Variants in SEMA3A observed in about 807,000 individuals in gnomAD.
SEMA3A encodes semaphorin 3A, also known as semaphorin-3A.
Under a neutral mutation model 97.9 loss-of-function variants are expected in SEMA3A, and 29 were observed. The ratio of observed to expected loss-of-function variants is 0.30; its 90% confidence interval spans 0.22 to 0.40. The LOEUF (loss-of-function observed/expected upper bound fraction) is 0.40, where lower values mean the gene tolerates loss of function less well. SEMA3A is among the 10% of genes least tolerant of loss of function. SEMA3A has a pLI of 1.00. For synonymous variants in SEMA3A, 321 were observed against 323.7 expected (o/e 0.99, Z 0.09); for missense variants, 763 against 951.3 (o/e 0.80, Z 2.60).
chr7:84,364,598 A>G (rs1802801469), intron 2 of SEMA3A, among the ~76,000 whole-genome samples: 1 of 151,812 alleles, frequency 6.6e-6, no homozygotes, highest in African/African-American at 2.4e-5. Context: ...GTTATGTGAC[A>G]TGGGAACCTA....
At chr7:84,336,512 C>A (rs1049797578) in intron 2 of SEMA3A, among the ~76,000 whole-genome samples, 1 of 152,046 alleles carries the variant, frequency 6.6e-6, no homozygotes, top group African/African-American at 2.4e-5. Context: ...AAAAGCTGGT[C>A]TTGGGTGAGC....
At chr7:83,979,368 G>A (rs975686600) in intron 14 of SEMA3A, among the ~76,000 whole-genome samples, 1 of 152,086 alleles carries the variant, frequency 6.6e-6, no homozygotes, top group Non-Finnish European at 1.5e-5. Flanking sequence ...TCTTGACATC[G>A]TGAGCCGCCT....
chr7:84,006,454 T>C (rs1209489300), intron 10 of SEMA3A, among the ~76,000 whole-genome samples: 1 of 151,724 alleles, frequency 6.6e-6, no homozygotes, highest in African/African-American at 2.4e-5. Context: ...ATGCCCATCA[T>C]GACCAAGCAG....
At chr7:84,067,422 G>C (rs1793558931) in intron 4 of SEMA3A, among the ~76,000 whole-genome samples, 1 of 151,994 alleles carries the variant, frequency 6.6e-6, no homozygotes, top group Non-Finnish European at 1.5e-5. Context: ...ATTGACAAAT[G>C]GGATCTAATT....
chr7:84,036,719 T>A (rs532392830), intron 6 of SEMA3A, among the ~76,000 whole-genome samples: 1 of 152,230 alleles, frequency 6.6e-6, no homozygotes, highest in Non-Finnish European at 1.5e-5. Context: ...AACTTCTCAT[T>A]AATAATGTAG....
intron 1 of SEMA3A, among the ~76,000 whole-genome samples, chr7:84,474,509 T>C (rs1197897516): frequency 6.6e-6 from 1 of 152,166 alleles, no homozygotes; most frequent in African/African-American, 2.4e-5. Context: ...TACTCCTCTT[T>C]GTAGCAGCTT....
intron 1 of SEMA3A, among the ~76,000 whole-genome samples, chr7:84,461,301 A>G (rs1440831794): frequency 6.6e-6 from 1 of 152,310 alleles, no homozygotes; most frequent in Non-Finnish European, 1.5e-5. Flanking sequence ...GTGATATCCA[A>G]TGAACGGCCT....
intron 3 of SEMA3A, among the ~76,000 whole-genome samples, chr7:84,216,053 T>C (rs923021110): frequency 7.2e-5 from 11 of 152,178 alleles, no homozygotes; most frequent in Non-Finnish European, 5.9e-5. Flanking sequence ...ATTCCTCTGG[T>C]AGTAAAAAAT....
At chr7:84,122,926 T>A (rs138704110) in intron 3 of SEMA3A, among the ~76,000 whole-genome samples, 1 of 152,134 alleles carries the variant, frequency 6.6e-6, no homozygotes, top group African/African-American at 2.4e-5. Context: ...AAAGTTCAGG[T>A]GCATGATACA....
chr7:84,279,220 C>A (rs907064325), intron 3 of SEMA3A, among the ~76,000 whole-genome samples: 1 of 151,864 alleles, frequency 6.6e-6, no homozygotes, highest in Non-Finnish European at 1.5e-5. Context: ...AGTGGAGAAA[C>A]CTGGCAGTGA....
chr7:84,104,069 T>C (rs75260138), intron 4 of SEMA3A, among the ~76,000 whole-genome samples: 1 of 152,010 alleles, frequency 6.6e-6, no homozygotes, highest in Admixed American at 6.6e-5. Flanking sequence ...AAACTAGGTA[T>C]TAGTCTACAA....
chr7:84,294,768 T>C (rs1274258724), intron 3 of SEMA3A, among the ~76,000 whole-genome samples: 1 of 152,090 alleles, frequency 6.6e-6, no homozygotes, highest in African/African-American at 2.4e-5. Flanking sequence ...TCAGATACTT[T>C]GATCAAGCTG....
At chr7:84,007,652 G>T (rs754217475) in intron 9 of SEMA3A, among the ~76,000 whole-genome samples, 155 bp from the exon 10 acceptor site, 1 of 152,082 alleles carries the variant, frequency 6.6e-6, no homozygotes, top group Non-Finnish European at 1.5e-5. Context: ...TCACATGTAT[G>T]CATTTAACAA....
At chr7:84,381,682 T>A (rs1803264478) in intron 1 of SEMA3A, among the ~76,000 whole-genome samples, 1 of 152,182 alleles carries the variant, frequency 6.6e-6, no homozygotes, top group Admixed American at 6.5e-5. Context: ...CTATGGTATG[T>A]AAAGCCAATC....
At chr7:84,003,304 C>G (rs930882871) in intron 11 of SEMA3A, among the ~76,000 whole-genome samples, 1 of 152,084 alleles carries the variant, frequency 6.6e-6, no homozygotes, top group Admixed American at 6.6e-5. Context: ...TTAATCTACT[C>G]AGTGCTTCTG....
At chr7:84,204,231 T>C (rs1422422361) in intron 3 of SEMA3A, among the ~76,000 whole-genome samples, 3 of 152,190 alleles carry the variant, frequency 2.0e-5, no homozygotes, top group Non-Finnish European at 4.4e-5. Flanking sequence ...ACCACAATTG[T>C]GAAAATTCAT....
intron 5 of SEMA3A, among the ~76,000 whole-genome samples, chr7:84,048,154 G>C (rs1187312721): frequency 6.6e-6 from 1 of 152,006 alleles, no homozygotes; most frequent in Non-Finnish European, 1.5e-5. Flanking sequence ...TAAGTGAATT[G>C]TTCTTGTATG....
At chr7:84,262,969 T>C (rs1374810001) in intron 3 of SEMA3A, among the ~76,000 whole-genome samples, 1 of 152,212 alleles carries the variant, frequency 6.6e-6, no homozygotes, top group Non-Finnish European at 1.5e-5. Flanking sequence ...GGTTTGTTTT[T>C]GGAAGAAGTG....
intron 3 of SEMA3A, among the ~76,000 whole-genome samples, chr7:84,203,526 A>ATATATATATATATATATATTTT (rs372380784): frequency 3.9e-5 from 1 of 25,658 alleles, no homozygotes; most frequent in Non-Finnish European, 7.1e-5. Context: ...ATATATATAT[A>ATATATATATATATATATATTTT]TTTTTTTTTT....
Sources: gnomAD v4.1 joint callset for allele counts (sites outside exome capture counted in the v4.1 genomes callset) on GRCh38, gnomAD v4.1.1 for gene constraint, MANE v1.5 for transcripts, NCBI Gene and HGNC (gene_info 2026-07-23, HGNC 2026-07-21) for gene names.